RAD52: variants seen among roughly 807,000 people sequenced by gnomAD.
RAD52 encodes DNA repair protein RAD52 homolog.
A neutral mutation model predicts 55.5 loss-of-function variants in RAD52; 47 were observed. The ratio of observed to expected loss-of-function variants is 0.85; its 90% CI spans 0.67 to 1.08. The LOEUF (loss-of-function observed/expected upper bound fraction) is 1.08, where lower values mean the gene tolerates loss of function less well. Ranked by LOEUF, RAD52 falls within the 50% of genes least tolerant of loss-of-function variation. RAD52 has a pLI of 0.00. For synonymous variants in RAD52, 184 were observed against 198.9 expected (o/e 0.92, Z 0.63); for missense variants, 468 against 522.8 (o/e 0.90, Z 1.02).
At position 965,869 on chromosome 12, in the gene RAD52, T is replaced by G. The variant is rs147674733; in HGVS notation, c.-19+23940A>C. On this transcript the variant is annotated intron_variant, in intron 1 of 11. Coordinates refer to the RAD52 transcript ENST00000430095. The stretch of plus-strand genomic sequence containing the variant: ...ACCTGGCTAATTTTTGTATTTTTAG[T>G]AGAGACAGGGTTTCGCCTGTTGGCC... Among the ~76,000 whole-genome samples, 179 of 152,190 alleles carry G rather than the reference T, an allele frequency of 1.2e-3. 1 individual carries two copies. In the East Asian group the frequency reaches 0.032, roughly 28 times the overall value.
intron 1 of RAD52, among the ~76,000 whole-genome samples, chr12:943,167 A>G (rs1958006710): frequency 6.6e-6 from 1 of 152,196 alleles, no homozygotes; most frequent in African/African-American, 2.4e-5. Context: ...TGACAACACC[A>G]AATGCTGGCA....
chr12:951,940 T>C (rs1270741356), upstream of RAD52, among the ~76,000 whole-genome samples: 1 of 152,092 alleles, frequency 6.6e-6, no homozygotes, highest in Non-Finnish European at 1.5e-5. Flanking sequence ...TTGTATATAT[T>C]ATATTGTTTT....
intron 1 of RAD52, among the ~76,000 whole-genome samples, chr12:954,883 A>G (rs577628407): frequency 2.2e-4 from 33 of 152,300 alleles, no homozygotes; most frequent in African/African-American, 7.5e-4. Context: ...CCAGTTATGC[A>G]ACTTTTTAAT....
intron 7 of RAD52, among the ~76,000 whole-genome samples, chr12:921,083 G>A (rs889290178): frequency 1.3e-5 from 2 of 151,964 alleles, no homozygotes; most frequent in African/African-American, 4.8e-5. Context: ...AATTCCCAGA[G>A]ACAAATGATA....
intron 1 of RAD52, among the ~76,000 whole-genome samples, chr12:939,968 G>A (rs974068556): frequency 6.6e-6 from 1 of 151,988 alleles, no homozygotes; most frequent in African/African-American, 2.4e-5. Flanking sequence ...CCAGCTATTC[G>A]GGAGGCTGAG....
At chr12:972,896 G>A (rs73029388) in intron 1 of RAD52, among the ~76,000 whole-genome samples, 6,543 of 152,062 alleles carry the variant, frequency 0.043, 367 homozygotes, top group African/African-American at 0.13. Flanking sequence ...AGGTCAAAGA[G>A]TCAATGAGGG....
Position 912,746 on chromosome 12 carries a change from CAAA to C in RAD52, c.*642_*644del. ...TCAAAAAAAAAAAAAAAAAAAAAAA[CAAA>C]AAACAGCCTTTTTTCGTGGTCTTAG... On this transcript the variant is annotated 3_prime_UTR_variant, in exon 12 of 12. Coordinates refer to ENST00000358495, the MANE Select transcript of RAD52 (RefSeq NM_134424.4). The C allele has an allele frequency of 1.0e-5, 1 of 95,852 alleles. No homozygotes were observed. The highest frequency in any genetic ancestry group is 1.4e-4 in the Admixed American group (1 of 7,160). The allele number at this position is 95,852 out of a possible 1,614,324, so 5.9% of individuals were successfully genotyped here.
chr12:980,220 G>A (rs1231947306), intron 1 of RAD52, among the ~76,000 whole-genome samples: 1 of 151,758 alleles, frequency 6.6e-6, no homozygotes, highest in African/African-American at 2.4e-5. Flanking sequence ...GGAGGGAAGA[G>A]AGTTATTTAT....
At chr12:928,553 G>C (rs1039038245) in intron 5 of RAD52, among the ~76,000 whole-genome samples, 52 of 151,648 alleles carry the variant, frequency 3.4e-4, no homozygotes, top group Admixed American at 9.2e-4. Flanking sequence ...TTCAGTTATG[G>C]ATATATGGAT....
intron 1 of RAD52, among the ~76,000 whole-genome samples, chr12:984,948 A>G (rs1959067314): frequency 6.6e-6 from 1 of 152,168 alleles, no homozygotes; most frequent in Non-Finnish European, 1.5e-5. Flanking sequence ...TATAGGCGTG[A>G]GCCACCGCGC....
intron 1 of RAD52, among the ~76,000 whole-genome samples, chr12:964,684 T>A (rs1348199072): frequency 6.6e-6 from 1 of 151,862 alleles, no homozygotes; most frequent in Non-Finnish European, 1.5e-5. Flanking sequence ...ACTCAAGAGA[T>A]CCTCTCACCT....
intron 1 of RAD52, among the ~76,000 whole-genome samples, chr12:960,791 T>C (rs1263234748): frequency 1.3e-5 from 2 of 152,142 alleles, no homozygotes; most frequent in Non-Finnish European, 2.9e-5. Context: ...AATATGTTAA[T>C]ATGTTACCTG....
Position 932,830 on chromosome 12 carries a change from A to ACTGCCCCCGCAGGTACCACGTC in RAD52, c.84+144_84+145insGACGTGGTACCTGCGGGGGCAG, listed in dbSNP as rs1565673147. Reference sequence around the variant, plus strand: ...GGTACTGCTCACACACGTACTAGGTAAACGTACTAGGTACTGCTCACACAC... The same window carrying ACTGCCCCCGCAGGTACCACGTC: ...GGTACTGCTCACACACGTACTAGGTACTGCCCCCGCAGGTACCACGTCAACGTACTAGGTACTGCTCACACAC... On this transcript the variant is annotated intron_variant, in intron 2 of 11. Coordinates refer to ENST00000358495, the MANE Select transcript of RAD52 (RefSeq NM_134424.4). 126 of 206,246 alleles carry ACTGCCCCCGCAGGTACCACGTC rather than the reference A, an allele frequency of 6.1e-4. 10 individuals carry two copies. Among genetic ancestry groups the ACTGCCCCCGCAGGTACCACGTC allele is most frequent in the Middle Eastern group, 3.8e-3 (3 of 790 alleles). The allele number at this position is 206,246 out of a possible 1,614,324, so 12.8% of individuals were successfully genotyped here.
intron 6 of RAD52, 61 bp downstream of exon 6, chr12:927,084 G>A (rs1417345049): frequency 9.6e-6 from 15 of 1,561,276 alleles, no homozygotes; most frequent in Admixed American, 3.4e-5. Context: ...AAAAAAAATC[G>A]AAATCTGCTC....
intron 11 of RAD52, 127 bp from the exon 12 acceptor site, chr12:913,579 A>C: frequency 2.4e-6 from 2 of 839,168 alleles, no homozygotes; most frequent in Non-Finnish European, 3.8e-6. Context: ...TACTGTTAGG[A>C]GGAAGGCAGA....
chr12:946,791 G>A (rs1479665379), intron 1 of RAD52, among the ~76,000 whole-genome samples: 1 of 152,192 alleles, frequency 6.6e-6, no homozygotes, highest in African/African-American at 2.4e-5. Flanking sequence ...AAAGCATACA[G>A]TGGGTGACTC....
At chr12:975,996 T>A (rs1354190123) in intron 1 of RAD52, 2 of 152,198 alleles carry the variant, frequency 1.3e-5, no homozygotes, top group Admixed American at 1.3e-4. Context: ...TCATCCTGGC[T>A]CACAGCTTTG....
chr12:927,081 A>G, intron 6 of RAD52, 64 bp downstream of exon 6: 3 of 1,558,492 alleles, frequency 1.9e-6, no homozygotes, highest in East Asian at 4.5e-5. Context: ...TCCAAAAAAA[A>G]TCGAAATCTG....
chr12:932,838 T>A, intron 2 of RAD52, 137 bp downstream of exon 2: 1 of 658,162 alleles, frequency 1.5e-6, no homozygotes, highest in South Asian at 1.8e-5. Context: ...GTAAACGTAC[T>A]AGGTACTGCT....
Sources: gnomAD v4.1 joint callset for allele counts (sites outside exome capture counted in the v4.1 genomes callset) on GRCh38, gnomAD v4.1.1 for gene constraint, MANE v1.5 for transcripts, NCBI Gene and HGNC (gene_info 2026-07-23, HGNC 2026-07-21) for gene names.